Variants in CNTNAP4 observed in about 807,000 individuals in gnomAD.
The protein encoded by CNTNAP4 is contactin-associated protein-like 4.
In CNTNAP4, 98 loss-of-function variants were observed where a neutral mutation model predicts 148.4. The observed-to-expected ratio is 0.66, with a 90% confidence interval of 0.56 to 0.78. The LOEUF (loss-of-function observed/expected upper bound fraction) is 0.78. Among genes scored for constraint, CNTNAP4 ranks in the 30% least tolerant of loss-of-function variants. The probability of loss-of-function intolerance (pLI) is 0.00; values close to 1 mark genes in which losing one functional copy is unlikely to be tolerated. For missense variants in CNTNAP4, 1,935 were observed against 1,565.6 expected (o/e 1.24, Z -3.98); for synonymous variants, 730 against 565.1 (o/e 1.29, Z -4.14).
chr16:76,385,686 C>T (rs2016452429), intron 3 of CNTNAP4, among the ~76,000 whole-genome samples: 3 of 151,888 alleles, frequency 2.0e-5, no homozygotes, highest in South Asian at 4.1e-4. Flanking sequence ...GTCCCGTGAG[C>T]CTCTGACTGC....
chr16:76,514,826 T>G (rs2083184309), intron 15 of CNTNAP4, among the ~76,000 whole-genome samples: 1 of 152,212 alleles, frequency 6.6e-6, no homozygotes, highest in Non-Finnish European at 1.5e-5. Context: ...TAACATATAA[T>G]TTAATCTTAG....
intron 3 of CNTNAP4, among the ~76,000 whole-genome samples, chr16:76,384,947 A>G (rs1354141592): frequency 1.3e-5 from 2 of 152,204 alleles, no homozygotes; most frequent in Non-Finnish European, 2.9e-5. Flanking sequence ...TTAAAAAATC[A>G]ATGAGTTAAT....
intron 3 of CNTNAP4, among the ~76,000 whole-genome samples, chr16:76,390,349 C>A (rs1032922620): frequency 1.8e-4 from 27 of 152,276 alleles, no homozygotes; most frequent in African/African-American, 6.5e-4. Context: ...CAGTTCTTTT[C>A]TTTATCCTTG....
chr16:76,330,725 T>A (rs1337122209), intron 2 of CNTNAP4, among the ~76,000 whole-genome samples: 1 of 152,228 alleles, frequency 6.6e-6, no homozygotes, highest in African/African-American at 2.4e-5. Context: ...CTTTTGCTCT[T>A]AGCACTACAT....
intron 3 of CNTNAP4, among the ~76,000 whole-genome samples, chr16:76,424,089 C>T (rs950777914): frequency 6.6e-6 from 1 of 152,024 alleles, no homozygotes; most frequent in Non-Finnish European, 1.5e-5. Flanking sequence ...TTAATATAAA[C>T]TGTATCTTAT....
chr16:76,293,630 T>C (rs1467986568), intron 1 of CNTNAP4, among the ~76,000 whole-genome samples: 1 of 152,170 alleles, frequency 6.6e-6, no homozygotes, highest in African/African-American at 2.4e-5. Flanking sequence ...TTTGAGTGAC[T>C]GCACTTAAGG....
At position 76,479,556 on chromosome 16, in the gene CNTNAP4, T is replaced by C. The variant is rs779547165; in HGVS notation, c.1882+18T>C. On this transcript the variant is annotated intron_variant, in intron 12 of 23. Coordinates refer to ENST00000611870, the MANE Select transcript of CNTNAP4 (RefSeq NM_033401.5). ...TATGACCGGTGAGTTAATCAGCTTT[T>C]ATTTTACAGTTAAATTTGCATGCAT... 1 of 1,597,578 alleles carries C rather than the reference T, an allele frequency of 6.3e-7. No homozygotes were observed. Among genetic ancestry groups the C allele is most frequent in the South Asian group, 1.2e-5 (1 of 85,718 alleles).
intron 3 of CNTNAP4, among the ~76,000 whole-genome samples, chr16:76,415,707 A>G (rs577734461): frequency 1.1e-4 from 17 of 151,236 alleles, no homozygotes; most frequent in Admixed American, 6.0e-4. Context: ...TCCTTTGTAG[A>G]CAATGCTCAT....
rs1180833386 is a variant in CNTNAP4, at chr16:76,560,369, A to C, written c.*1686A>C. ...TGCAAATGCCTGACTAAATCTTAAG[A>C]ACCTGAATTAACATAGTAGTTTACG... On this transcript the variant is annotated 3_prime_UTR_variant, in exon 24 of 24. Coordinates refer to ENST00000611870, the MANE Select transcript of CNTNAP4 (RefSeq NM_033401.5). 6.6e-6 allele frequency among the ~76,000 whole-genome samples: 1 copy of C among 152,200 alleles called. No homozygotes were observed. Among genetic ancestry groups the C allele is most frequent in the Non-Finnish European group, 1.5e-5 (1 of 68,036 alleles).
intron 3 of CNTNAP4, among the ~76,000 whole-genome samples, chr16:76,372,318 T>A (rs1476288520): frequency 6.6e-6 from 1 of 151,202 alleles, no homozygotes; most frequent in East Asian, 1.9e-4. Context: ...TTTTTTTTTT[T>A]TTTGTATTTT....
At chr16:76,285,691 T>C (rs1958852072) in intron 1 of CNTNAP4, among the ~76,000 whole-genome samples, 1 of 152,158 alleles carries the variant, frequency 6.6e-6, no homozygotes, top group Non-Finnish European at 1.5e-5. Context: ...TTACGTTTAT[T>C]GTATACTTTT....
intron 1 of CNTNAP4, among the ~76,000 whole-genome samples, chr16:76,303,791 T>C (rs922801831): frequency 6.6e-6 from 1 of 152,176 alleles, no homozygotes; most frequent in Admixed American, 6.5e-5. Flanking sequence ...CATCAAAAAT[T>C]ATTTCATAAT....
chr16:76,403,437 A>C (rs1406531553), intron 3 of CNTNAP4, among the ~76,000 whole-genome samples: 1 of 152,214 alleles, frequency 6.6e-6, no homozygotes, highest in African/African-American at 2.4e-5. Context: ...TAACAAGCAT[A>C]TGAAGAAAAT....
intron 4 of CNTNAP4, among the ~76,000 whole-genome samples, chr16:76,446,007 CATT>C (rs200132235): frequency 0.014 from 2,192 of 152,256 alleles, 22 homozygotes; most frequent in Middle Eastern, 0.031. Context: ...GTTAGGCTAA[CATT>C]ATTCTTTCTA....
At chr16:76,331,213 A>C (rs1222578386) in intron 2 of CNTNAP4, among the ~76,000 whole-genome samples, 3 of 150,820 alleles carry the variant, frequency 2.0e-5, no homozygotes, top group Admixed American at 2.0e-4. Flanking sequence ...TTTTAGACAG[A>C]GTCTCGCTCT....
rs904387238 is a variant in CNTNAP4 at position 76,560,580 on chromosome 16, T to A, written c.*1897T>A. On this transcript the variant is annotated 3_prime_UTR_variant, in exon 24 of 24. Transcript: ENST00000611870. ...TATTTAGTAGCGGTATTAACCTCAT[T>A]GGTAGCTGAACTCTAGGGAGGTTTA... Among the ~76,000 whole-genome samples, 2 of 152,164 alleles carry A rather than the reference T, an allele frequency of 1.3e-5. No homozygotes were observed. Among genetic ancestry groups the A allele is most frequent in the Non-Finnish European group, 2.9e-5 (2 of 68,018 alleles).
At chr16:76,405,930 A>C (rs2078585570) in intron 3 of CNTNAP4, among the ~76,000 whole-genome samples, 4 of 152,058 alleles carry the variant, frequency 2.6e-5, no homozygotes. Context: ...GAAGCCATTA[A>C]GTTGGGCCAG....
At chr16:76,336,380 A>G (rs1480575618) in intron 2 of CNTNAP4, among the ~76,000 whole-genome samples, 1 of 152,334 alleles carries the variant, frequency 6.6e-6, no homozygotes, top group Admixed American at 6.5e-5. Context: ...TTAGCTTGAA[A>G]TCTTCCACAG....
chr16:76,309,953 T>G (rs1482859608), intron 1 of CNTNAP4: 3 of 697,166 alleles, frequency 4.3e-6, no homozygotes, highest in African/African-American at 3.5e-5. Context: ...GGGTATGTCT[T>G]TATCAGCAGC....
Sources: gnomAD v4.1 joint callset for allele counts (sites outside exome capture counted in the v4.1 genomes callset) on GRCh38, gnomAD v4.1.1 for gene constraint, MANE v1.5 for transcripts, NCBI Gene and HGNC (gene_info 2026-07-23, HGNC 2026-07-21) for gene names.